FREM1: variants seen among roughly 807,000 people sequenced by gnomAD.
The protein encoded by FREM1 is FRAS1-related extracellular matrix protein 1.
FREM1 carries 220 observed loss-of-function variants against 210.1 expected under a neutral mutation model. That is an observed-to-expected ratio of 1.05 (90% CI 0.94 to 1.17). FREM1 has a LOEUF of 1.17. Ranked by LOEUF, FREM1 falls within the 50% of genes most tolerant of loss-of-function variation. The probability of loss-of-function intolerance (pLI) is 0.00; values close to 1 mark genes in which losing one functional copy is unlikely to be tolerated. For synonymous variants in FREM1, 1,189 were observed against 980.2 expected, an observed-to-expected ratio of 1.21 and a Z score of -3.98; for missense variants, 3,454 against 2,675.5, an observed-to-expected ratio of 1.29 and a Z score of -6.42.
intron 21 of FREM1, among the ~76,000 whole-genome samples, chr9:14,793,959 G>A (rs983780875): frequency 6.6e-6 from 1 of 152,154 alleles, no homozygotes; most frequent in African/African-American, 2.4e-5. Flanking sequence ...GCAATCAGTT[G>A]GTTGAGGGCT....
intron 10 of FREM1, among the ~76,000 whole-genome samples, chr9:14,829,682 G>T (rs562897511): frequency 6.6e-6 from 1 of 152,262 alleles, no homozygotes; most frequent in South Asian, 2.1e-4. Context: ...CCAGCCTCCA[G>T]AACCATGAGC....
chr9:14,842,794 A>T, intron 8 of FREM1, 134 bp from the exon 9 acceptor site: 1 of 636,526 alleles, frequency 1.6e-6, no homozygotes, highest in Non-Finnish European at 2.7e-6. Flanking sequence ...GAAAAACTAC[A>T]GATTGTTAGT....
At position 14,737,557 on chromosome 9, in the gene FREM1, T is replaced by C. The variant is rs777745332; in HGVS notation, c.6379A>G (p.Ile2127Val). The change falls in exon 37 of 37, where the codon ATC (isoleucine) becomes GTC (valine). Residue 2127 changes from isoleucine (I) to valine (V), a missense_variant. Coordinates refer to ENST00000380880, the MANE Select transcript of FREM1 (RefSeq NM_001379081.2). ...DQVHAGHWEW[I>V]GGEPVAFTNG... ...GTGAAGGCAACAGGTTCACCACCGA[T>C]CCACTCCCAGTGGCCAGCATGCACT... The C allele has an allele frequency of 5.6e-6, 9 of 1,602,086 alleles. 1 individual carries two copies. Among genetic ancestry groups the C allele is most frequent in the Middle Eastern group, 1.7e-4 (1 of 6,016 alleles).
chr9:14,889,362 T>C (rs946550659), intron 1 of FREM1, among the ~76,000 whole-genome samples: 1 of 152,236 alleles, frequency 6.6e-6, no homozygotes, highest in Non-Finnish European at 1.5e-5. Context: ...CTGTTTTAAT[T>C]TGCACTTCCT....
intron 7 of FREM1, among the ~76,000 whole-genome samples, chr9:14,847,629 G>A (rs896389094): frequency 1.3e-5 from 2 of 152,002 alleles, no homozygotes; most frequent in Non-Finnish European, 2.9e-5. Context: ...ATATCTTCAC[G>A]GCGAAATAAT....
At position 14,828,098 on chromosome 9, in the gene FREM1, T is replaced by A. The variant is rs62536618; in HGVS notation, c.1882-3106A>T. Among the ~76,000 whole-genome samples the A allele has an allele frequency of 8.9e-3, 1,352 of 152,158 alleles. 11 individuals are homozygous for A. Among genetic ancestry groups the A allele is most frequent in the Non-Finnish European group, 0.014 (944 of 68,002 alleles). On this transcript the variant is annotated intron_variant, in intron 10 of 36. Transcript: ENST00000380880. ...GGCAATGCCCAGCAGAGCCATGGGG[T>A]CAGGGCCACCCCAGAGACCACCAAT...
At position 14,794,261 on chromosome 9, in the gene FREM1, G is replaced by A. The variant is rs1030889982; in HGVS notation, c.3840-1377C>T. Among the ~76,000 whole-genome samples, 3 of 152,052 alleles carry A rather than the reference G, an allele frequency of 2.0e-5. No individual in the cohort carries two copies. The East Asian group carries it at 5.8e-4, about 29-fold the overall frequency. On this transcript the variant is annotated intron_variant, in intron 21 of 36. Transcript: ENST00000380880. ...GAAGGAGAAAAAGGCAACAAAGGGT[G>A]TTTTACTGCTATGGGGAATTGGGGC... is the stretch of plus-strand genomic sequence containing the variant.
At chr9:14,806,283 T>TA (rs1818339812) in intron 18 of FREM1, among the ~76,000 whole-genome samples, 1 of 146,614 alleles carries the variant, frequency 6.8e-6, no homozygotes. Context: ...AGACGGAGTT[T>TA]CCGCTCCTGC....
In FREM1 at chr9:14,766,429, C is replaced by T. The variant is rs533216625; in HGVS notation, c.5204+3295G>A. ...AGCCCAGTTGGGTTGAGGTTTGCTG[C>T]GTAGGCTTCATTTCTGAGAGATTCC... is the stretch of plus-strand genomic sequence containing the variant. On this transcript the variant is annotated intron_variant, in intron 27 of 36. Transcript: ENST00000380880. 9.9e-5 allele frequency among the ~76,000 whole-genome samples: 15 copies of T among 152,220 alleles called. 1 individual carries two copies. Among genetic ancestry groups the T allele is most frequent in the South Asian group, 8.3e-4 (4 of 4,820 alleles).
At chr9:14,860,023 G>C (rs761012612) in intron 3 of FREM1, among the ~76,000 whole-genome samples, 6 of 152,084 alleles carry the variant, frequency 3.9e-5, no homozygotes, top group Non-Finnish European at 7.4e-5. Context: ...TTTAATCTCA[G>C]GTTGTTTGAA....
chr9:14,739,468 AT>A (rs1563802066), intron 36 of FREM1, among the ~76,000 whole-genome samples: 4,239 of 134,136 alleles, frequency 0.032, 212 homozygotes, highest in African/African-American at 0.12. Flanking sequence ...ATATATATAT[AT>A]ATATATAATT....
At chr9:14,866,689 T>A (rs1450186307) in intron 2 of FREM1, among the ~76,000 whole-genome samples, 1 of 152,204 alleles carries the variant, frequency 6.6e-6, no homozygotes, top group Non-Finnish European at 1.5e-5. Flanking sequence ...AAATGTTGAA[T>A]GATTTTTAAA....
At chr9:14,820,440 C>T (rs1405727163) in intron 13 of FREM1, among the ~76,000 whole-genome samples, 1 of 152,170 alleles carries the variant, frequency 6.6e-6, no homozygotes, top group Non-Finnish European at 1.5e-5. Context: ...CTTCTCAGAG[C>T]AGCTGCTGGT....
intron 25 of FREM1, among the ~76,000 whole-genome samples, chr9:14,775,518 T>C (rs1175037659): frequency 6.6e-6 from 1 of 151,926 alleles, no homozygotes; most frequent in Non-Finnish European, 1.5e-5. Context: ...CCAGCCTGAC[T>C]GACATGGTGA....
At chr9:14,852,690 T>A (rs1411142760) in intron 5 of FREM1, among the ~76,000 whole-genome samples, 1 of 152,094 alleles carries the variant, frequency 6.6e-6, no homozygotes, top group Non-Finnish European at 1.5e-5. Flanking sequence ...TGAGACTTTG[T>A]AAAGAAAAGA....
chr9:14,853,587 A>G (rs1828156839), intron 5 of FREM1, among the ~76,000 whole-genome samples: 1 of 152,196 alleles, frequency 6.6e-6, no homozygotes, highest in Non-Finnish European at 1.5e-5. Flanking sequence ...TGCCTGATCA[A>G]ATAAGATCCC....
In FREM1 at chr9:14,846,107, G is replaced by T; in HGVS notation, c.1262-16C>A. On this transcript the variant is annotated splice_polypyrimidine_tract_variant and intron_variant, in intron 7 of 36. Coordinates refer to ENST00000380880, the MANE Select transcript of FREM1 (RefSeq NM_001379081.2). ...AGACTCAGACCTATGAAAGAAAGGA[G>T]AAAAGGGTGTTGGTATCATAGACTG... The T allele has an allele frequency of 1.3e-6, 2 of 1,553,474 alleles. No individual in the cohort carries two copies. The highest frequency in any genetic ancestry group is 1.2e-5 in the South Asian group (1 of 84,502).
chr9:14,739,465 T>TATATATATATATATATAATTC (rs1563802001), intron 36 of FREM1, among the ~76,000 whole-genome samples: 2 of 140,416 alleles, frequency 1.4e-5, no homozygotes, highest in South Asian at 2.1e-4. Flanking sequence ...TATATATATA[T>TATATATATATATATATAATTC]ATATATATAT....
At position 14,824,069 on chromosome 9, in the gene FREM1, C is replaced by T. The variant is rs372164391; in HGVS notation, c.2125G>A (p.Val709Ile). 4 of 1,592,652 alleles carry T rather than the reference C, an allele frequency of 2.5e-6. No homozygotes were observed. In the African/African-American group the frequency reaches 4.0e-5, roughly 16 times the overall value. The change falls in exon 12 of 37, where the codon GTA becomes ATA. Residue 709 changes from valine to isoleucine, a missense_variant. Transcript: ENST00000380880. ...KLFMVDSIPK[V>I]VKNPTALELR... ...TCCAGGGCCGTAGGATTCTTAACTA[C>T]TTTTGGTATGCTGTCCACCATAAAT...
Sources: allele counts gnomAD v4.1 joint callset (sites outside exome capture counted in the v4.1 genomes callset), GRCh38; gene constraint gnomAD v4.1.1; transcripts MANE v1.5; gene names NCBI Gene and HGNC (gene_info 2026-07-23, HGNC 2026-07-21).